Variants in HLA-DQB1 observed in about 807,000 individuals in gnomAD.
HLA-DQB1 encodes HLA class II histocompatibility antigen, DQ beta 1 chain.
HLA-DQB1 carries 13 observed loss-of-function variants against 26.4 expected under a neutral mutation model. The ratio of observed to expected loss-of-function variants is 0.49; its 90% CI spans 0.32 to 0.78. The LOEUF (loss-of-function observed/expected upper bound fraction) is 0.78, where lower values mean the gene tolerates loss of function less well. Ranked by LOEUF, HLA-DQB1 falls within the 30% of genes least tolerant of loss-of-function variation. The probability of loss-of-function intolerance (pLI) is 0.03; values close to 1 mark genes in which losing one functional copy is unlikely to be tolerated. For missense variants in HLA-DQB1, 158 were observed against 326.2 expected (o/e 0.48, Z 3.97); for synonymous variants, 60 against 129.1 (o/e 0.46, Z 3.63).
chr6:32,665,007 C>T, exon 2 of HLA-DQB1: 2 of 1,379,480 alleles, frequency 1.4e-6, no homozygotes, highest in Non-Finnish European at 2.0e-6. Flanking sequence ...GGTCACAAGA[C>T]GCACGCGCTC....
intron 4 of HLA-DQB1, 37 bp from the exon 5 acceptor site, chr6:32,660,286 ATC>A (rs772991843): frequency 9.9e-7 from 1 of 1,009,702 alleles, no homozygotes; most frequent in South Asian, 1.6e-5. Context: ...AGCACAGGGT[ATC>A]CTGGTGGGCC....
At chr6:32,660,840 A>C (rs9273526) in intron 4 of HLA-DQB1, 146,381 of 1,301,844 alleles carry the variant, frequency 0.11, 14,584 homozygotes, top group Admixed American at 0.27. Flanking sequence ...CCCACACTGG[A>C]TCATGGCTGA....
At chr6:32,666,182 T>C (rs28746835) in intron 1 of HLA-DQB1, among the ~76,000 whole-genome samples, 28,114 of 150,220 alleles carry the variant, frequency 0.19, 3,035 homozygotes, top group East Asian at 0.32. Flanking sequence ...TGCTGTGTCT[T>C]TGGAGAAATT....
exon 5 of HLA-DQB1, chr6:32,659,987 C>G: frequency 3.6e-6 from 1 of 280,626 alleles, no homozygotes; most frequent in Non-Finnish European, 6.7e-6. Context: ...GAAACAGAAA[C>G]CCCTTGGGAC....
At chr6:32,666,652 C>G in exon 1 of HLA-DQB1, 1 of 734,580 alleles carries the variant, frequency 1.4e-6, no homozygotes, top group Non-Finnish European at 2.3e-6. Context: ...ACAGCTCGGA[C>G]CTGATGGATC....
chr6:32,662,353 C>G (rs281864030), intron 2 of HLA-DQB1, 105 bp from the exon 3 acceptor site: 1 of 497,424 alleles, frequency 2.0e-6, no homozygotes, highest in Non-Finnish European at 3.1e-6. Flanking sequence ...TGGAAAGATA[C>G]CTGGAGTCGA....
intron 1 of HLA-DQB1, among the ~76,000 whole-genome samples, chr6:32,665,891 A>G (rs28746828): frequency 0.2 from 25,560 of 129,762 alleles, 3,134 homozygotes; most frequent in East Asian, 0.34. Context: ...CCTCCTTCCT[A>G]CTAAATTCAG....
At chr6:32,665,484 G>A (rs28746816) in intron 1 of HLA-DQB1, among the ~76,000 whole-genome samples, 1,459 of 92,616 alleles carry the variant, frequency 0.016, 70 homozygotes, top group Middle Eastern at 0.048. Flanking sequence ...ATAGGTCCAG[G>A]AATTAAGCCT....
intron 2 of HLA-DQB1, chr6:32,662,480 C>T (rs71542439): frequency 0.012 from 1,812 of 155,684 alleles, 42 homozygotes; most frequent in East Asian, 0.016. Context: ...TAACAGACAG[C>T]AAAAAACAAA....
intron 1 of HLA-DQB1, among the ~76,000 whole-genome samples, chr6:32,665,280 G>A (rs281861878): frequency 7.9e-6 from 1 of 126,266 alleles, no homozygotes; most frequent in Non-Finnish European, 1.7e-5. Flanking sequence ...CCTACATCCA[G>A]GAAAGGGAGG....
intron 1 of HLA-DQB1, among the ~76,000 whole-genome samples, 190 bp from the exon 2 acceptor site, chr6:32,665,257 T>C (rs9274427): frequency 0.037 from 4,635 of 126,524 alleles, 153 homozygotes; most frequent in Admixed American, 0.073. Flanking sequence ...TGCGGGCTTC[T>C]GGAATCTGCC....
intron 2 of HLA-DQB1, 150 bp downstream of exon 2, chr6:32,664,648 T>TCCCCCCCCCCCCCCCCCCCC: frequency 4.8e-6 from 1 of 209,778 alleles, no homozygotes; most frequent in Non-Finnish European, 8.7e-6. Context: ...CCGATGCACC[T>TCCCCCCCCCCCCCCCCCCCC]GCCCCCACCA....
At chr6:32,662,590 C>A (rs281863913) in intron 2 of HLA-DQB1, 1 of 77,706 alleles carries the variant, frequency 1.3e-5, no homozygotes, top group South Asian at 7.3e-4. Context: ...GCCTTCAAAA[C>A]AAATAACCCT....
At chr6:32,665,409 A>G (rs9274439) in intron 1 of HLA-DQB1, among the ~76,000 whole-genome samples, 61,293 of 126,582 alleles carry the variant, frequency 0.48, 18,204 homozygotes, top group Middle Eastern at 0.66. Context: ...ATTTTTCATG[A>G]AGCTCCTGGA....
intron 2 of HLA-DQB1, 31 bp downstream of exon 2, chr6:32,664,767 G>A (rs28746797): frequency 0.031 from 24,637 of 793,748 alleles, 5,753 homozygotes; most frequent in East Asian, 0.092. Context: ...TCGGCCAAGG[G>A]TGGGCCTCAC....
At chr6:32,665,166 C>T (rs281861969) in intron 1 of HLA-DQB1, 99 bp from the exon 2 acceptor site, 2 of 740,278 alleles carry the variant, frequency 2.7e-6, no homozygotes, top group South Asian at 4.8e-5. Flanking sequence ...CCCGCGCGAC[C>T]TCCAGTTCCC....
intron 1 of HLA-DQB1, among the ~76,000 whole-genome samples, chr6:32,665,829 T>TAC: frequency 1.1e-5 from 1 of 90,712 alleles, no homozygotes; most frequent in Non-Finnish European, 2.4e-5. Context: ...TAAAGTATTG[T>TAC]TCTGTCTGAA....
chr6:32,662,070 A>G (rs1049133), exon 3 of HLA-DQB1: 1,059,005 of 1,382,200 alleles, frequency 0.77, 436,371 homozygotes, highest in South Asian at 0.88. Context: ...GGATCTGGAA[A>G]GTCCAGTCAC....
chr6:32,660,843 A>T (rs281864384), intron 4 of HLA-DQB1: 1 of 1,441,604 alleles, frequency 6.9e-7, no homozygotes, highest in Non-Finnish European at 9.4e-7. Context: ...ACACTGGATC[A>T]TGGCTGAAAT....
Sources: allele counts gnomAD v4.1 joint callset (sites outside exome capture counted in the v4.1 genomes callset), GRCh38; gene constraint gnomAD v4.1.1; transcripts MANE v1.5; gene names NCBI Gene and HGNC (gene_info 2026-07-23, HGNC 2026-07-21).